Variants in MEIOB observed in about 807,000 individuals in gnomAD.
The protein encoded by MEIOB is meiosis-specific with OB domain-containing protein.
Under a neutral mutation model 53.1 loss-of-function variants are expected in MEIOB, and 50 were observed. The observed-to-expected ratio is 0.94, with a 90% CI of 0.75 to 1.19. The LOEUF (loss-of-function observed/expected upper bound fraction) is 1.19, where lower values mean the gene tolerates loss of function less well. MEIOB is among the 50% of genes most tolerant of loss of function. The pLI, the probability that MEIOB is intolerant of heterozygous loss-of-function variation, is 0.00. For missense variants in MEIOB, 551 were observed against 550.8 expected, an observed-to-expected ratio of 1.00 and a Z score of 0.00; for synonymous variants, 192 against 182.5, an observed-to-expected ratio of 1.05 and a Z score of -0.42.
chr16:1,842,664 T>G (rs2142080643), intron 10 of MEIOB, among the ~76,000 whole-genome samples: 1 of 146,144 alleles, frequency 6.8e-6, no homozygotes, highest in African/African-American at 2.5e-5. Flanking sequence ...TTATTTTCAT[T>G]TTTATTTTTT....
At chr16:1,861,915 A>G in intron 4 of MEIOB, 70 bp downstream of exon 4, 1 of 1,397,476 alleles carries the variant, frequency 7.2e-7, no homozygotes, top group South Asian at 1.3e-5. Context: ...CTCCTTCAGT[A>G]TAGTTACCAT....
chr16:1,840,840 A>G (rs62038425), intron 11 of MEIOB, among the ~76,000 whole-genome samples: 27,038 of 151,566 alleles, frequency 0.18, 2,564 homozygotes, highest in South Asian at 0.27. Context: ...GTGAGCCACC[A>G]CGCCCAGCCC....
chr16:1,840,738 G>T (rs1034101878), intron 11 of MEIOB, among the ~76,000 whole-genome samples: 2 of 151,894 alleles, frequency 1.3e-5, no homozygotes, highest in East Asian at 3.9e-4. Context: ...TTTTAGTAGA[G>T]ACAGGGTTTC....
rs202147878 is a variant in MEIOB at position 1,842,623 on chromosome 16, C to CAAAAAAAAAAAAAAAAAAAAA, written c.881-651_881-650insTTTTTTTTTTTTTTTTTTTTT. Among the ~76,000 whole-genome samples the CAAAAAAAAAAAAAAAAAAAAA allele has an allele frequency of 1.1e-3, 103 of 97,636 alleles. 5 individuals carry two copies. The highest frequency in any genetic ancestry group is 4.8e-3 in the East Asian group (12 of 2,486). The allele number at this position is 97,636 out of a possible 152,430, so 64.1% of individuals were successfully genotyped here. ...GGGCAACAAGAGCAAAACTCCATCT[C>CAAAAAAAAAAAAAAAAAAAAA]AAAAAGACAGTGACTCGATTTTTTT... On this transcript the variant is annotated intron_variant, in intron 10 of 13. Transcript: ENST00000325962.
intron 9 of MEIOB, among the ~76,000 whole-genome samples, chr16:1,846,796 G>T (rs1349318884): frequency 6.6e-6 from 1 of 152,086 alleles, no homozygotes; most frequent in Non-Finnish European, 1.5e-5. Flanking sequence ...ACTGGGGCCT[G>T]TTGGGGAATG....
Position 1,857,850 on chromosome 16 carries a change from G to A in MEIOB, c.413C>T (p.Ser138Phe). 1.3e-6 allele frequency: 2 copies of A among 1,551,296 alleles called. No individual in the cohort carries two copies. Among genetic ancestry groups the A allele is most frequent in the Non-Finnish European group, 1.7e-6 (2 of 1,146,618 alleles). Residue 138 changes from serine (S) to phenylalanine (F), a missense_variant, in exon 6 of 14, where the codon TCT becomes TTT. Coordinates refer to ENST00000325962, the MANE Select transcript of MEIOB (RefSeq NM_001163560.3). ...CTCTTTAACAGGTAAATGTATCAAA[G>A]AAAGTAACTTTGTGTCCACTTCATA... ...SSYEVDTKLLSLIHLPVKESH... is the reference protein window; with the variant it reads ...SSYEVDTKLLFLIHLPVKESH...
intron 1 of MEIOB, among the ~76,000 whole-genome samples, chr16:1,871,230 T>TGTTTC (rs1474465101): frequency 1.3e-5 from 2 of 151,552 alleles, no homozygotes; most frequent in Non-Finnish European, 2.9e-5. Flanking sequence ...TGTTTTGTTT[T>TGTTTC]GTTTTTTGAG....
intron 5 of MEIOB, among the ~76,000 whole-genome samples, 174 bp downstream of exon 5, chr16:1,860,229 C>G (rs1295873087): frequency 1.3e-5 from 2 of 152,192 alleles, no homozygotes; most frequent in Non-Finnish European, 2.9e-5. Flanking sequence ...TCATGTGACT[C>G]TGTATCAAAG....
chr16:1,853,895 C>T (rs1899233839), intron 7 of MEIOB, among the ~76,000 whole-genome samples: 1 of 152,222 alleles, frequency 6.6e-6, no homozygotes, highest in South Asian at 2.1e-4. Context: ...TCCCCCTAAG[C>T]AATTCCATGC....
At chr16:1,842,507 C>T (rs943111721) in intron 10 of MEIOB, among the ~76,000 whole-genome samples, 2 of 150,206 alleles carry the variant, frequency 1.3e-5, no homozygotes, top group Non-Finnish European at 3.0e-5. Context: ...CCTGTAATCC[C>T]AGCTACTCAG....
intron 6 of MEIOB, among the ~76,000 whole-genome samples, chr16:1,856,804 C>T (rs1438580195): frequency 1.4e-5 from 2 of 139,168 alleles, no homozygotes; most frequent in Non-Finnish European, 3.0e-5. Flanking sequence ...CCCTCTATTG[C>T]CCAGGCTGGA....
At position 1,853,149 on chromosome 16, in the gene MEIOB, A is replaced by T; in HGVS notation, c.683-15T>A. On this transcript the variant is annotated splice_polypyrimidine_tract_variant and intron_variant, in intron 8 of 13. Transcript: ENST00000325962. Reference sequence around the variant, plus strand: ...GGCAAATATTACTGTTTGGGAAAAAAGCCATTTAAAATTATTACATGGGAG... The same window carrying T: ...GGCAAATATTACTGTTTGGGAAAAATGCCATTTAAAATTATTACATGGGAG... The T allele has an allele frequency of 6.3e-7, 1 of 1,598,112 alleles. No homozygotes were observed. The highest frequency in any genetic ancestry group is 8.6e-7 in the Non-Finnish European group (1 of 1,168,406).
At chr16:1,867,613 C>G (rs1032048481) in intron 2 of MEIOB, among the ~76,000 whole-genome samples, 1 of 151,762 alleles carries the variant, frequency 6.6e-6, no homozygotes, top group Non-Finnish European at 1.5e-5. Flanking sequence ...CCTGGGATTA[C>G]AGGCATGAGC....
In MEIOB at chr16:1,865,431, C is replaced by CAAAA. The variant is rs375392458; in HGVS notation, c.127+343_127+346dup. The stretch of plus-strand genomic sequence containing the variant: ...TGAGTGACAGAGCGAGCCTCCATCT[C>CAAAA]AAAAAAAAAAAGAGAGAACACATGT... On this transcript the variant is annotated intron_variant, in intron 3 of 13. Transcript: ENST00000325962. 1.2e-3 allele frequency among the ~76,000 whole-genome samples: 178 copies of CAAAA among 144,056 alleles called. 1 individual carries two copies. Among genetic ancestry groups the CAAAA allele is most frequent in the Admixed American group, 3.1e-3 (44 of 14,412 alleles). The allele number at this position is 144,056 out of a possible 152,430, so 94.5% of individuals were successfully genotyped here. A position where few individuals can be genotyped will look rare whatever the true frequency, so the allele number is the denominator to read the frequency against.
chr16:1,844,807 A>T, intron 10 of MEIOB, 55 bp downstream of exon 10: 1 of 833,920 alleles, frequency 1.2e-6, no homozygotes, highest in Non-Finnish European at 2.0e-6. Context: ...ACAAACCTTT[A>T]CAGGCCCAAT....
intron 7 of MEIOB, 75 bp downstream of exon 7, chr16:1,854,025 T>C (rs561604166): frequency 6.1e-6 from 5 of 819,420 alleles, no homozygotes; most frequent in Non-Finnish European, 1.0e-5. Context: ...AAGTCCATCA[T>C]ATTTTTGATA....
At position 1,845,397 on chromosome 16, in the gene MEIOB, G is replaced by A. The variant is rs1213833424; in HGVS notation, c.779-434C>T. 5.3e-5 allele frequency among the ~76,000 whole-genome samples: 8 copies of A among 152,190 alleles called. No individual in the cohort carries two copies. The East Asian group carries it at 7.7e-4, about 15-fold the overall frequency. Reference sequence around the variant, plus strand: ...TAACCAGGCGTGGTGGTGGGCGCCTGTAGTCCCAGCTAGTTGGGAGGCTGA... The same window carrying A: ...TAACCAGGCGTGGTGGTGGGCGCCTATAGTCCCAGCTAGTTGGGAGGCTGA... On this transcript the variant is annotated intron_variant, in intron 9 of 13. Coordinates refer to ENST00000325962, the MANE Select transcript of MEIOB (RefSeq NM_001163560.3).
At position 1,834,146 on chromosome 16, in the gene MEIOB, C is replaced by G; in HGVS notation, c.*110G>C. The G allele has an allele frequency of 1.6e-6, 1 of 643,046 alleles. No homozygotes were observed. The highest frequency in any genetic ancestry group is 2.0e-5 in the South Asian group (1 of 48,968). 39.8% of individuals were successfully genotyped at this position (643,046 alleles called of 1,614,324 possible). ...CCATAACAATTTCTAGAAACATGTT[C>G]ACCACATGTAAACAAAATGCAATTT... On this transcript the variant is annotated 3_prime_UTR_variant, in exon 14 of 14. Transcript: ENST00000325962.
intron 3 of MEIOB, among the ~76,000 whole-genome samples, chr16:1,862,516 A>C (rs1472566042): frequency 3.3e-5 from 5 of 152,190 alleles, no homozygotes; most frequent in Non-Finnish European, 7.3e-5. Context: ...GCTACTTAGG[A>C]GGATGAAGCA....
Sources: allele counts gnomAD v4.1 joint callset (sites outside exome capture counted in the v4.1 genomes callset), GRCh38; gene constraint gnomAD v4.1.1; transcripts MANE v1.5; gene names NCBI Gene and HGNC (gene_info 2026-07-23, HGNC 2026-07-21).